Variants in SLC66A2 observed in about 807,000 individuals in gnomAD.
SLC66A2 encodes PQ loop repeat containing 1.
In SLC66A2, 23 loss-of-function variants were observed where a neutral mutation model predicts 25.5. The observed-to-expected ratio is 0.90, with a 90% confidence interval of 0.65 to 1.28. The LOEUF (loss-of-function observed/expected upper bound fraction) is 1.28, where lower values mean the gene tolerates loss of function less well. SLC66A2 is among the 50% of genes most tolerant of loss of function. The pLI is 0.00. For missense variants in SLC66A2, 396 were observed against 373.1 expected (o/e 1.06, Z -0.51); for synonymous variants, 193 against 166.5 (o/e 1.16, Z -1.23).
intron 5 of SLC66A2, among the ~76,000 whole-genome samples, chr18:79,905,067 G>A (rs1981882571): frequency 6.6e-6 from 1 of 152,178 alleles, no homozygotes; most frequent in South Asian, 2.1e-4. Context: ...GTGTGTTCAG[G>A]GCTGGAGCTA....
rs759691294 is a variant in SLC66A2, at chr18:79,950,716, C to A, written c.203+8G>T. 6.2e-7 allele frequency: 1 copy of A among 1,612,828 alleles called. No individual in the cohort carries two copies. On this transcript the variant is annotated splice_region_variant and intron_variant, in intron 2 of 5. Transcript: ENST00000397778. Reference sequence around the variant, plus strand: ...GGTGCAGCCCAGGAAAGCAAGCCCCCAACTTACCAGAAGAGTATCCGCAAA... The same window carrying A: ...GGTGCAGCCCAGGAAAGCAAGCCCCAAACTTACCAGAAGAGTATCCGCAAA...
chr18:79,939,133 A>C (rs1466314792), intron 3 of SLC66A2, among the ~76,000 whole-genome samples: 1 of 152,212 alleles, frequency 6.6e-6, no homozygotes, highest in Non-Finnish European at 1.5e-5. Context: ...TTCAAACTGA[A>C]TTTGTGACCT....
chr18:79,929,877 G>A (rs1341069799), intron 4 of SLC66A2, among the ~76,000 whole-genome samples: 1 of 152,006 alleles, frequency 6.6e-6, no homozygotes, highest in African/African-American at 2.4e-5. Context: ...TGAATTCAAA[G>A]AAATATCAAT....
rs1167574697 is a variant in SLC66A2, at chr18:79,903,975, G to A, written c.*1C>T. The A allele has an allele frequency of 1.9e-6, 3 of 1,597,242 alleles. No homozygotes were observed. The highest frequency in any genetic ancestry group is 2.6e-6 in the Non-Finnish European group (3 of 1,173,788). ...GTCCCACATCCTCGTCCTCCCCACT[G>A]TCAGAGGGCCTTGGTGCCAGTGGGG... is the stretch of plus-strand genomic sequence containing the variant. On this transcript the variant is annotated 3_prime_UTR_variant, in exon 6 of 6. Coordinates refer to ENST00000397778, the MANE Select transcript of SLC66A2 (RefSeq NM_025078.5).
rs191652520 is a variant in SLC66A2, at chr18:79,914,407, G to A, written c.608+4777C>T. On this transcript the variant is annotated intron_variant, in intron 5 of 5. Coordinates refer to ENST00000397778, the MANE Select transcript of SLC66A2 (RefSeq NM_025078.5). ...CCACGACGCCCCCATCAGGCAGATC[G>A]GAGCACAAAGGAACCTGAGACGTCT... Among the ~76,000 whole-genome samples the A allele has an allele frequency of 1.1e-3, 174 of 152,284 alleles. No homozygotes were observed. In the South Asian group the frequency reaches 0.012, roughly 11 times the overall value.
chr18:79,929,736 G>A (rs117637819), intron 4 of SLC66A2, among the ~76,000 whole-genome samples: 1 of 152,134 alleles, frequency 6.6e-6, no homozygotes, highest in East Asian at 1.9e-4. Context: ...ATCACATAGA[G>A]GTTATCAATA....
chr18:79,909,592 G>GAGTCCCCAGCCTTCCCCACCA (rs1982651499), intron 5 of SLC66A2, among the ~76,000 whole-genome samples: 2 of 122,330 alleles, frequency 1.6e-5, no homozygotes, highest in Non-Finnish European at 3.3e-5. Flanking sequence ...CATCTCACCA[G>GAGTCCCCAGCCTTCCCCACCA]TCTCCAACCT....
At position 79,937,266 on chromosome 18, in the gene SLC66A2, GCACC is replaced by G. The variant is rs1157715855; in HGVS notation, c.338-3248_338-3245del. On this transcript the variant is annotated intron_variant, in intron 3 of 5. Coordinates refer to ENST00000397778, the MANE Select transcript of SLC66A2 (RefSeq NM_025078.5). This position sits in a 1 kb window ranked among gnomAD's most constrained non-coding sequence, Gnocchi z 5.4. ...GGCAGGAGATGTAGCCGCCACACGA[GCACC>G]CTGTTATACCAGGATCCTGTGTAGA... 6.6e-6 allele frequency among the ~76,000 whole-genome samples: 1 copy of G among 152,182 alleles called. No individual in the cohort carries two copies. Among genetic ancestry groups the G allele is most frequent in the Non-Finnish European group, 1.5e-5 (1 of 68,040 alleles).
intron 3 of SLC66A2, among the ~76,000 whole-genome samples, chr18:79,936,079 C>T (rs906706746): frequency 1.3e-5 from 2 of 152,244 alleles, no homozygotes; most frequent in African/African-American, 4.8e-5. Flanking sequence ...GAGGCCATCA[C>T]CTGCTTCCTG....
chr18:79,919,100 C>T (rs1215248718), intron 5 of SLC66A2, 84 bp downstream of exon 5: 4 of 1,232,514 alleles, frequency 3.2e-6, no homozygotes, highest in South Asian at 1.3e-5. Flanking sequence ...CAGCCAGACA[C>T]ACAGGCGTTT....
chr18:79,945,939 C>T (rs901484748), intron 2 of SLC66A2, among the ~76,000 whole-genome samples: 13 of 152,366 alleles, frequency 8.5e-5, no homozygotes, highest in Middle Eastern at 3.4e-3. Context: ...TAAAATAGGC[C>T]AGTCCCCTGG....
intron 5 of SLC66A2, among the ~76,000 whole-genome samples, chr18:79,914,214 G>GT (rs1216061510): frequency 1.3e-5 from 2 of 152,158 alleles, no homozygotes; most frequent in African/African-American, 4.8e-5. Flanking sequence ...CAAAGTCTTG[G>GT]TTTTTTGGGT....
At chr18:79,912,855 T>A (rs1983445558) in intron 5 of SLC66A2, among the ~76,000 whole-genome samples, 1 of 152,126 alleles carries the variant, frequency 6.6e-6, no homozygotes, top group Non-Finnish European at 1.5e-5. Flanking sequence ...AACCCAGGCA[T>A]CCTGTGCAGC....
At chr18:79,925,848 T>C (rs923326992) in intron 4 of SLC66A2, among the ~76,000 whole-genome samples, 1 of 152,182 alleles carries the variant, frequency 6.6e-6, no homozygotes, top group Non-Finnish European at 1.5e-5. Flanking sequence ...CCATTGTGAA[T>C]AGAGGCTGGC....
rs1266662384 is a variant in SLC66A2 at position 79,927,433 on chromosome 18, T to C, written c.391+6536A>G. ...ACCAGGGCCGACTTTTACTTTATCC[T>C]AAGGATCAGGGACGCAAAAGGATTT... On this transcript the variant is annotated intron_variant, in intron 4 of 5. Transcript: ENST00000397778. This position sits in a 1 kb window ranked among gnomAD's most constrained non-coding sequence, Gnocchi z 6.2. 6.6e-6 allele frequency among the ~76,000 whole-genome samples: 1 copy of C among 152,172 alleles called. No individual in the cohort carries two copies. The highest frequency in any genetic ancestry group is 6.5e-5 in the Admixed American group (1 of 15,280).
At chr18:79,942,902 G>A (rs993792855) in intron 3 of SLC66A2, among the ~76,000 whole-genome samples, 1 of 152,214 alleles carries the variant, frequency 6.6e-6, no homozygotes, top group Non-Finnish European at 1.5e-5. Context: ...CTGTGAGGAA[G>A]ACCCTGGCTA....
At chr18:79,915,583 G>GC (rs1215576566) in intron 5 of SLC66A2, 1 of 152,174 alleles carries the variant, frequency 6.6e-6, no homozygotes, top group Non-Finnish European at 1.5e-5. Flanking sequence ...CAACGTGCCA[G>GC]CTGTGTGGGT....
At chr18:79,948,561 G>C (rs1452829141) in intron 2 of SLC66A2, among the ~76,000 whole-genome samples, 4 of 152,098 alleles carry the variant, frequency 2.6e-5, no homozygotes, top group East Asian at 1.9e-4. Flanking sequence ...GGTTGGTCTT[G>C]AACTCCTGGC....
intron 3 of SLC66A2, 49 bp downstream of exon 3, chr18:79,943,280 C>T: frequency 6.3e-7 from 1 of 1,599,790 alleles, no homozygotes; most frequent in East Asian, 2.2e-5. Flanking sequence ...ACCAGAGTCA[C>T]CTACGCCCTG....
Sources: gnomAD v4.1 joint callset for allele counts (sites outside exome capture counted in the v4.1 genomes callset) on GRCh38, gnomAD v4.1.1 for gene constraint, Gnocchi (gnomAD v3.1) non-coding constraint, MANE v1.5 for transcripts, NCBI Gene and HGNC (gene_info 2026-07-23, HGNC 2026-07-21) for gene names.